Variants in NRG3 observed in about 807,000 individuals in gnomAD.
The protein encoded by NRG3 is neuregulin 3.
NRG3 carries 31 observed loss-of-function variants against 66.9 expected under a neutral mutation model. That is an observed-to-expected ratio of 0.46 (90% CI 0.35 to 0.63). The LOEUF (loss-of-function observed/expected upper bound fraction) is 0.63, where lower values mean the gene tolerates loss of function less well. Among genes scored for constraint, NRG3 ranks in the 20% least tolerant of loss-of-function variants. NRG3 has a pLI of 0.00. For synonymous variants in NRG3, 393 were observed against 359.4 expected, an observed-to-expected ratio of 1.09 and a Z score of -1.06; for missense variants, 910 against 878.9, an observed-to-expected ratio of 1.04 and a Z score of -0.45.
chr10:82,670,586 C>T (rs557619083), intron 2 of NRG3, among the ~76,000 whole-genome samples: 1 of 152,220 alleles, frequency 6.6e-6, no homozygotes, highest in African/African-American at 2.4e-5. Context: ...TATCTTCCTT[C>T]CCTAGCTTAC....
At chr10:82,213,505 G>A (rs1301431159) in intron 1 of NRG3, among the ~76,000 whole-genome samples, 5 of 152,114 alleles carry the variant, frequency 3.3e-5, no homozygotes, top group African/African-American at 1.2e-4. Context: ...TTATGTATGT[G>A]TATATATTCC....
intron 1 of NRG3, among the ~76,000 whole-genome samples, chr10:82,351,620 A>C (rs1370696494): frequency 6.6e-6 from 1 of 152,218 alleles, no homozygotes; most frequent in Non-Finnish European, 1.5e-5. Context: ...TTCTTTCCTT[A>C]GCAGAAGGTA....
chr10:81,976,638 G>A (rs1353166776), intron 1 of NRG3, among the ~76,000 whole-genome samples: 1 of 152,126 alleles, frequency 6.6e-6, no homozygotes, highest in Non-Finnish European at 1.5e-5. Context: ...TAATTTTAGT[G>A]CAGAATAAAA....
chr10:82,285,649 A>G (rs1357627710), intron 1 of NRG3, among the ~76,000 whole-genome samples: 2 of 152,186 alleles, frequency 1.3e-5, no homozygotes, highest in Non-Finnish European at 2.9e-5. Flanking sequence ...AACACACGCC[A>G]AGGCTGGTGG....
intron 2 of NRG3, among the ~76,000 whole-genome samples, chr10:82,727,121 A>G (rs2057645957): frequency 6.6e-6 from 1 of 152,192 alleles, no homozygotes; most frequent in African/African-American, 2.4e-5. Flanking sequence ...AGGGAAGCAG[A>G]GCATAAAAGT....
rs780394942 is a variant in NRG3 at position 81,876,181 on chromosome 10, C to G, written c.823+18C>G. The G allele has an allele frequency of 1.3e-6, 2 of 1,556,942 alleles. No individual in the cohort carries two copies. The highest frequency in any genetic ancestry group is 1.7e-6 in the Non-Finnish European group (2 of 1,150,554). On this transcript the variant is annotated intron_variant, in intron 1 of 8. Coordinates refer to ENST00000372141, the MANE Select transcript of NRG3 (RefSeq NM_001010848.4). ...CAAATTTCGTAAGTAAACACTGTGT[C>G]TCAACTATGATTTACTACTGAGTTT... is the stretch of plus-strand genomic sequence containing the variant.
chr10:81,962,998 A>G (rs1294386558), intron 1 of NRG3, among the ~76,000 whole-genome samples: 1 of 152,150 alleles, frequency 6.6e-6, no homozygotes, highest in Non-Finnish European at 1.5e-5. Flanking sequence ...CAGCCTGCTC[A>G]GAGTCAAGGG....
intron 2 of NRG3, among the ~76,000 whole-genome samples, chr10:82,543,898 C>A (rs1022604331): frequency 6.6e-5 from 10 of 152,086 alleles, no homozygotes; most frequent in African/African-American, 9.7e-5. Flanking sequence ...TTCTCTGGAG[C>A]CTTTTTGCAG....
intron 2 of NRG3, among the ~76,000 whole-genome samples, chr10:82,374,179 A>T (rs2085065325): frequency 6.6e-6 from 1 of 152,106 alleles, no homozygotes; most frequent in Admixed American, 6.5e-5. Flanking sequence ...CAAACCTACT[A>T]AGCCCAAGGC....
At chr10:82,235,273 G>A (rs2076699366) in intron 1 of NRG3, among the ~76,000 whole-genome samples, 1 of 152,120 alleles carries the variant, frequency 6.6e-6, no homozygotes, top group East Asian at 1.9e-4. Context: ...GGATATTGAT[G>A]GTGGAGTTCA....
chr10:82,539,467 T>C (rs1005243167), intron 2 of NRG3, among the ~76,000 whole-genome samples: 1 of 152,218 alleles, frequency 6.6e-6, no homozygotes, highest in African/African-American at 2.4e-5. Flanking sequence ...CATCTTTCTC[T>C]ATGTCTACTG....
At chr10:82,082,774 T>A (rs2065466675) in intron 1 of NRG3, among the ~76,000 whole-genome samples, 2 of 152,272 alleles carry the variant, frequency 1.3e-5, no homozygotes, top group Non-Finnish European at 2.9e-5. Context: ...AAAGATCCCT[T>A]CTGGTTGGAG....
intron 2 of NRG3, among the ~76,000 whole-genome samples, chr10:82,589,559 A>G (rs942397263): frequency 6.6e-6 from 1 of 152,114 alleles, no homozygotes; most frequent in Admixed American, 6.5e-5. Flanking sequence ...GCTTCATTTC[A>G]ATATTTATAT....
intron 3 of NRG3, among the ~76,000 whole-genome samples, chr10:82,837,396 C>T (rs764036616): frequency 1.1e-4 from 17 of 152,000 alleles, no homozygotes; most frequent in South Asian, 4.1e-4. Context: ...CTTATTTGTG[C>T]TAAGTTTTGA....
chr10:82,555,617 T>C (rs61864248), intron 2 of NRG3, among the ~76,000 whole-genome samples: 11 of 152,312 alleles, frequency 7.2e-5, no homozygotes, highest in Non-Finnish European at 1.2e-4. Context: ...ATTTCCTCAA[T>C]GTCTGTCTTC....
intron 1 of NRG3, among the ~76,000 whole-genome samples, chr10:81,948,002 C>G (rs1015154991): frequency 1.3e-5 from 2 of 152,090 alleles, no homozygotes; most frequent in Non-Finnish European, 2.9e-5. Context: ...GTAGAGAGTG[C>G]TCAACACATG....
At chr10:82,266,573 A>G (rs938804937) in intron 1 of NRG3, among the ~76,000 whole-genome samples, 1 of 152,170 alleles carries the variant, frequency 6.6e-6, no homozygotes, top group Admixed American at 6.6e-5. Flanking sequence ...CTGTTCAACT[A>G]TGTCTCATTA....
At chr10:82,095,021 A>G (rs900379403) in intron 1 of NRG3, among the ~76,000 whole-genome samples, 1 of 152,144 alleles carries the variant, frequency 6.6e-6, no homozygotes, top group African/African-American at 2.4e-5. Context: ...CTTGTGCCCC[A>G]TAAATTTATA....
At chr10:82,880,021 T>C (rs1842172196) in intron 4 of NRG3, among the ~76,000 whole-genome samples, 1 of 145,572 alleles carries the variant, frequency 6.9e-6, no homozygotes, top group Non-Finnish European at 1.5e-5. Flanking sequence ...GTATTGAAAG[T>C]ATATTGAATA....
Sources: gnomAD v4.1 joint callset for allele counts (sites outside exome capture counted in the v4.1 genomes callset) on GRCh38, gnomAD v4.1.1 for gene constraint, MANE v1.5 for transcripts, NCBI Gene and HGNC (gene_info 2026-07-23, HGNC 2026-07-21) for gene names.